VMP1: variants seen among roughly 807,000 people sequenced by gnomAD.
The protein encoded by VMP1 is ectopic P-granules autophagy protein 3 homolog.
In VMP1, 11 loss-of-function variants were observed where a neutral mutation model predicts 56.0. The observed-to-expected ratio is 0.20, with a 90% CI of 0.12 to 0.32. The LOEUF (loss-of-function observed/expected upper bound fraction) is 0.32, where lower values mean the gene tolerates loss of function less well. Among genes scored for constraint, VMP1 ranks in the 10% least tolerant of loss-of-function variants. The pLI is 1.00. For synonymous variants in VMP1, 149 were observed against 165.0 expected, an observed-to-expected ratio of 0.90 and a Z score of 0.74; for missense variants, 296 against 490.3, an observed-to-expected ratio of 0.60 and a Z score of 3.74.
At chr17:59,741,534 A>G (rs1039620191) in intron 5 of VMP1, among the ~76,000 whole-genome samples, 7 of 152,344 alleles carry the variant, frequency 4.6e-5, no homozygotes, top group African/African-American at 9.6e-5. Context: ...TAGAAGTACA[A>G]TCAAGAGTGT....
chr17:59,812,981 G>A (rs1344918659), intron 9 of VMP1, among the ~76,000 whole-genome samples: 1 of 152,116 alleles, frequency 6.6e-6, no homozygotes, highest in Non-Finnish European at 1.5e-5. Flanking sequence ...ATGATTCCAT[G>A]ATAATTACAA....
chr17:59,790,798 AG>A (rs2037197657), intron 7 of VMP1, among the ~76,000 whole-genome samples: 2 of 152,228 alleles, frequency 1.3e-5, no homozygotes, highest in Non-Finnish European at 2.9e-5. Flanking sequence ...TCGAAAAAAA[AG>A]AAAGTTTTAA....
At chr17:59,807,507 A>G (rs73315284) in intron 7 of VMP1, among the ~76,000 whole-genome samples, 22,217 of 151,514 alleles carry the variant, frequency 0.15, 2,115 homozygotes, top group African/African-American at 0.27. Context: ...GGATCTGTCC[A>G]CCTTCTATAT....
Position 59,773,633 on chromosome 17 carries a change from T to A in VMP1, c.583-121T>A, listed in dbSNP as rs1273311237. On this transcript the variant is annotated intron_variant, in intron 6 of 11. Coordinates refer to ENST00000262291, the MANE Select transcript of VMP1 (RefSeq NM_030938.5). ...ATTATTTTGATTATGTAGCATATGC[T>A]TTCCCCCAATATATTGCATCTCAAA... 5.2e-6 allele frequency: 5 copies of A among 965,274 alleles called. No homozygotes were observed. The African/African-American group carries it at 8.3e-5, about 16-fold the overall frequency. The allele number at this position is 965,274 out of a possible 1,614,324, so 59.8% of individuals were successfully genotyped here. A position where few individuals can be genotyped will look rare whatever the true frequency, so the allele number is the denominator to read the frequency against.
At chr17:59,792,797 C>T (rs893119656) in intron 7 of VMP1, among the ~76,000 whole-genome samples, 8 of 150,478 alleles carry the variant, frequency 5.3e-5, no homozygotes, top group Non-Finnish European at 7.4e-5. Context: ...TGCAGTGAGC[C>T]GAGATCACGC....
At chr17:59,715,775 G>A (rs2034127847) in intron 1 of VMP1, among the ~76,000 whole-genome samples, 1 of 152,024 alleles carries the variant, frequency 6.6e-6, no homozygotes, top group South Asian at 2.1e-4. Flanking sequence ...TACTGAATCT[G>A]AAATTTTAAA....
intron 5 of VMP1, among the ~76,000 whole-genome samples, chr17:59,741,954 T>G (rs2035242203): frequency 1.3e-5 from 2 of 152,192 alleles, no homozygotes; most frequent in African/African-American, 2.4e-5. Context: ...TTCTGTGTAG[T>G]TACTGGTTTT....
At position 59,735,488 on chromosome 17, in the gene VMP1, C is replaced by T; in HGVS notation, c.212+15C>T. On this transcript the variant is annotated intron_variant, in intron 3 of 11. Coordinates refer to ENST00000262291, the MANE Select transcript of VMP1 (RefSeq NM_030938.5). ...TGGACCTCAAAGTAAAGAGTCTTCT[C>T]CCACTACCTTTTACATACACCTCAT... The T allele has an allele frequency of 6.2e-7, 1 of 1,613,524 alleles. No individual in the cohort carries two copies. Among genetic ancestry groups the T allele is most frequent in the Non-Finnish European group, 8.5e-7 (1 of 1,179,770 alleles).
At chr17:59,710,916 C>G (rs879775329) in intron 1 of VMP1, among the ~76,000 whole-genome samples, 1 of 151,842 alleles carries the variant, frequency 6.6e-6, no homozygotes, top group Non-Finnish European at 1.5e-5. Flanking sequence ...ACAAAAAATA[C>G]AAAAAAATTA....
chr17:59,838,528 G>A (rs773212213), intron 11 of VMP1, 131 bp downstream of exon 11: 54 of 827,482 alleles, frequency 6.5e-5, no homozygotes, highest in South Asian at 3.2e-4. Flanking sequence ...GAAGTTGAGC[G>A]TCTGTGTATG....
At chr17:59,820,955 G>A (rs2038420121) in intron 10 of VMP1, among the ~76,000 whole-genome samples, 1 of 150,686 alleles carries the variant, frequency 6.6e-6, no homozygotes, top group Admixed American at 6.6e-5. Flanking sequence ...AATATCTTAT[G>A]TCTTTCTTTC....
chr17:59,773,229 G>A (rs1339268516), intron 6 of VMP1, among the ~76,000 whole-genome samples: 3 of 151,790 alleles, frequency 2.0e-5, no homozygotes, highest in Non-Finnish European at 4.4e-5. Flanking sequence ...CAAAGTGCTG[G>A]GATTACAGGC....
chr17:59,799,794 C>A (rs921107798), intron 7 of VMP1, among the ~76,000 whole-genome samples: 2 of 152,096 alleles, frequency 1.3e-5, no homozygotes, highest in Admixed American at 1.3e-4. Flanking sequence ...AAAACCCCAT[C>A]TCTACTAAAG....
At chr17:59,812,467 G>C (rs1173088584) in intron 9 of VMP1, among the ~76,000 whole-genome samples, 1 of 152,150 alleles carries the variant, frequency 6.6e-6, no homozygotes, top group African/African-American at 2.4e-5. Context: ...ATAGAGAGGA[G>C]AGAAAAGGTT....
chr17:59,729,495 A>C (rs1157066859), intron 1 of VMP1, among the ~76,000 whole-genome samples: 2 of 151,600 alleles, frequency 1.3e-5, no homozygotes, highest in East Asian at 3.9e-4. Flanking sequence ...AAAAAAAAAA[A>C]AACCTTTGGT....
At chr17:59,800,863 C>G (rs966593799) in intron 7 of VMP1, among the ~76,000 whole-genome samples, 1 of 151,826 alleles carries the variant, frequency 6.6e-6, no homozygotes, top group Non-Finnish European at 1.5e-5. Flanking sequence ...GGGCAGATCA[C>G]GAGGTCAGGA....
chr17:59,817,137 G>A (rs2038267479), intron 9 of VMP1, among the ~76,000 whole-genome samples: 1 of 149,904 alleles, frequency 6.7e-6, no homozygotes, highest in Admixed American at 6.6e-5. Context: ...GCTGGGCATG[G>A]TAGCGCATCC....
chr17:59,831,456 C>T (rs1175278706), intron 10 of VMP1, among the ~76,000 whole-genome samples: 1 of 152,180 alleles, frequency 6.6e-6, no homozygotes, highest in Admixed American at 6.5e-5. Flanking sequence ...AAGCATGACC[C>T]ATCACACCCA....
At chr17:59,725,349 TG>T (rs767334720) in intron 1 of VMP1, among the ~76,000 whole-genome samples, 1 of 152,172 alleles carries the variant, frequency 6.6e-6, no homozygotes, top group Non-Finnish European at 1.5e-5. Flanking sequence ...TACGTATGAT[TG>T]GGGGAAGAAG....
Sources: gnomAD v4.1 joint callset for allele counts (sites outside exome capture counted in the v4.1 genomes callset) on GRCh38, gnomAD v4.1.1 for gene constraint, MANE v1.5 for transcripts, NCBI Gene and HGNC (gene_info 2026-07-23, HGNC 2026-07-21) for gene names.